MACROD2: variants seen among roughly 807,000 people sequenced by gnomAD.
MACROD2 encodes mono-ADP ribosylhydrolase 2, also known as ADP-ribose glycohydrolase MACROD2.
A neutral mutation model predicts 70.4 loss-of-function variants in MACROD2; 36 were observed. That is an observed-to-expected ratio of 0.51 (90% CI 0.39 to 0.68). MACROD2 has a LOEUF of 0.68. MACROD2 is among the 30% of genes least tolerant of loss of function. The pLI is 0.00. For synonymous variants in MACROD2, 172 were observed against 178.8 expected, an observed-to-expected ratio of 0.96 and a Z score of 0.30; for missense variants, 496 against 538.4, an observed-to-expected ratio of 0.92 and a Z score of 0.78.
intron 5 of MACROD2, among the ~76,000 whole-genome samples, chr20:14,947,431 A>G (rs548373598): frequency 4.6e-5 from 7 of 152,314 alleles, no homozygotes; most frequent in African/African-American, 1.7e-4. Flanking sequence ...CACCAGCAGT[A>G]CCTACCTCAC....
At chr20:15,585,090 C>T (rs1326491220) in intron 8 of MACROD2, among the ~76,000 whole-genome samples, 3 of 152,194 alleles carry the variant, frequency 2.0e-5, no homozygotes, top group African/African-American at 4.8e-5. Flanking sequence ...GCAGCAGACA[C>T]GGTCAGTGGG....
intron 5 of MACROD2, among the ~76,000 whole-genome samples, chr20:14,690,251 T>G (rs1263722920): frequency 1.4e-5 from 2 of 144,568 alleles, no homozygotes; most frequent in Non-Finnish European, 3.1e-5. Context: ...TGGTGGAATC[T>G]GTTTCTTTTA....
chr20:14,492,063 T>A (rs2084801361), intron 3 of MACROD2, among the ~76,000 whole-genome samples: 1 of 152,190 alleles, frequency 6.6e-6, no homozygotes, highest in Admixed American at 6.6e-5. Flanking sequence ...TCGAAGTCTG[T>A]CCTCATGCCC....
chr20:14,566,663 C>T (rs1475980513), intron 4 of MACROD2: 2 of 151,942 alleles, frequency 1.3e-5, no homozygotes, highest in African/African-American at 4.8e-5. Flanking sequence ...AAGAATTTTC[C>T]TCAGAGACAG....
At chr20:15,464,264 C>T (rs1315745446) in intron 7 of MACROD2, among the ~76,000 whole-genome samples, 2 of 152,198 alleles carry the variant, frequency 1.3e-5, no homozygotes, top group Admixed American at 6.5e-5. Flanking sequence ...GATCCTCCTG[C>T]TTCAGCCTCC....
chr20:15,428,437 T>C (rs2046326250), intron 6 of MACROD2, among the ~76,000 whole-genome samples: 1 of 152,184 alleles, frequency 6.6e-6, no homozygotes, highest in Non-Finnish European at 1.5e-5. Context: ...AAGAACACTC[T>C]TGCAGTCCTT....
intron 5 of MACROD2, among the ~76,000 whole-genome samples, chr20:14,837,554 T>G (rs570425391): frequency 5.3e-5 from 8 of 152,218 alleles, no homozygotes; most frequent in Admixed American, 2.0e-4. Flanking sequence ...TAACTGTGTC[T>G]TGAAATCTCC....
intron 3 of MACROD2, among the ~76,000 whole-genome samples, chr20:14,197,555 G>A (rs905852440): frequency 5.9e-5 from 9 of 152,066 alleles, no homozygotes; most frequent in Admixed American, 5.2e-4. Flanking sequence ...ATCACCTGAG[G>A]TTGGGAGTTC....
At chr20:14,455,746 A>G (rs1358837946) in intron 3 of MACROD2, among the ~76,000 whole-genome samples, 14 of 151,486 alleles carry the variant, frequency 9.2e-5, no homozygotes, top group Non-Finnish European at 1.6e-4. Flanking sequence ...AAATATTAAT[A>G]TATTTTTTCT....
At chr20:15,499,983 C>T (rs1187963158) in intron 8 of MACROD2, 136 bp downstream of exon 8, 2 of 735,776 alleles carry the variant, frequency 2.7e-6, no homozygotes, top group Non-Finnish European at 4.5e-6. Flanking sequence ...CCATTCTTCA[C>T]TTGGGTTACA....
intron 6 of MACROD2, among the ~76,000 whole-genome samples, chr20:15,289,482 CT>C (rs2077522143): frequency 1.3e-5 from 2 of 152,174 alleles, no homozygotes; most frequent in Non-Finnish European, 2.9e-5. Context: ...CAAACTTAAA[CT>C]GTTGTTTGAT....
intron 3 of MACROD2, among the ~76,000 whole-genome samples, chr20:14,438,593 T>G (rs1182889387): frequency 6.6e-6 from 1 of 152,220 alleles, no homozygotes; most frequent in East Asian, 1.9e-4. Flanking sequence ...TGTTTTTTGA[T>G]AACAGTCATC....
intron 8 of MACROD2, among the ~76,000 whole-genome samples, chr20:15,667,780 T>G (rs2049921823): frequency 6.6e-6 from 1 of 152,214 alleles, no homozygotes; most frequent in Admixed American, 6.5e-5. Flanking sequence ...TTTATGTCCC[T>G]TCAGTTTCTT....
At chr20:14,898,695 A>G (rs769627962) in intron 5 of MACROD2, among the ~76,000 whole-genome samples, 18 of 152,320 alleles carry the variant, frequency 1.2e-4, no homozygotes, top group South Asian at 2.1e-4. Flanking sequence ...GAATTATCCT[A>G]CTGCCACAGA....
At chr20:14,865,724 A>G (rs1225550248) in intron 5 of MACROD2, among the ~76,000 whole-genome samples, 5 of 152,234 alleles carry the variant, frequency 3.3e-5, no homozygotes, top group Admixed American at 1.3e-4. Context: ...TCTGTGTGTC[A>G]TATGCTCTTA....
intron 15 of MACROD2, among the ~76,000 whole-genome samples, chr20:15,999,276 A>G (rs1350896734): frequency 6.6e-6 from 1 of 151,846 alleles, no homozygotes; most frequent in Non-Finnish European, 1.5e-5. Context: ...TTTAATTTCC[A>G]TATATTTGTG....
At chr20:15,707,516 G>T (rs1329329306) in intron 8 of MACROD2, among the ~76,000 whole-genome samples, 1 of 152,170 alleles carries the variant, frequency 6.6e-6, no homozygotes, top group Non-Finnish European at 1.5e-5. Flanking sequence ...GGGCAAGGTG[G>T]CTCAGGCCTG....
intron 3 of MACROD2, among the ~76,000 whole-genome samples, chr20:14,377,720 A>T (rs981627239): frequency 1.3e-4 from 20 of 152,208 alleles, no homozygotes; most frequent in African/African-American, 4.6e-4. Context: ...TACTTAATTC[A>T]CATTTGTATA....
chr20:15,578,634 G>A (rs2048482381), intron 8 of MACROD2, among the ~76,000 whole-genome samples: 1 of 152,352 alleles, frequency 6.6e-6, no homozygotes, highest in African/African-American at 2.4e-5. Context: ...AGTCACAATG[G>A]AAGTTATCTT....
Sources: allele counts gnomAD v4.1 joint callset (sites outside exome capture counted in the v4.1 genomes callset), GRCh38; gene constraint gnomAD v4.1.1; transcripts MANE v1.5; gene names NCBI Gene and HGNC (gene_info 2026-07-23, HGNC 2026-07-21).